The following DIP2C variants were observed in gnomAD, a reference collection of about 807,000 sequenced individuals.
DIP2C encodes disco-interacting protein 2 homolog C.
In DIP2C, 33 loss-of-function variants were observed where a neutral mutation model predicts 192.4. That is an observed-to-expected ratio of 0.17 (90% CI 0.13 to 0.23). The LOEUF is 0.23. Ranked by LOEUF, DIP2C falls within the 10% of genes least tolerant of loss-of-function variation. The probability of loss-of-function intolerance (pLI) is 1.00; values close to 1 mark genes in which losing one functional copy is unlikely to be tolerated. For missense variants in DIP2C, 1,537 were observed against 2,110.1 expected (o/e 0.73, Z 5.32); for synonymous variants, 979 against 864.1 (o/e 1.13, Z -2.33).
chr10:683,286 C>T (rs566897395), intron 1 of DIP2C, among the ~76,000 whole-genome samples: 8 of 152,292 alleles, frequency 5.3e-5, no homozygotes, highest in South Asian at 4.1e-4. Context: ...GCCCTCGTTC[C>T]GCAGCCACCG....
chr10:411,964 T>C (rs1965217236), intron 8 of DIP2C, among the ~76,000 whole-genome samples: 1 of 152,230 alleles, frequency 6.6e-6, no homozygotes, highest in Admixed American at 6.5e-5. Flanking sequence ...TTAAAATGGA[T>C]AATTAAAATA....
intron 1 of DIP2C, among the ~76,000 whole-genome samples, chr10:505,246 T>C (rs964792781): frequency 9.9e-5 from 15 of 152,178 alleles, no homozygotes; most frequent in African/African-American, 2.7e-4. Flanking sequence ...AGTCACTAAC[T>C]TCCCAGCAGT....
chr10:347,857 C>T (rs1385677304), intron 26 of DIP2C, among the ~76,000 whole-genome samples: 11 of 110,536 alleles, frequency 1.0e-4, no homozygotes, highest in Middle Eastern at 4.5e-3. Flanking sequence ...CGCACCCAGA[C>T]GCGTCGCGCA....
At chr10:460,059 C>T (rs990138191) in intron 3 of DIP2C, among the ~76,000 whole-genome samples, 1 of 149,754 alleles carries the variant, frequency 6.7e-6, no homozygotes, top group African/African-American at 2.5e-5. Context: ...GCTCTAGTAT[C>T]TTCCTCCCAC....
chr10:671,886 T>C (rs111392889), intron 1 of DIP2C, among the ~76,000 whole-genome samples: 525 of 30,082 alleles, frequency 0.017, 9 homozygotes, highest in Non-Finnish European at 0.017. Flanking sequence ...AAACAGGCCA[T>C]AGACACACGG....
chr10:581,338 G>A (rs536876660), intron 1 of DIP2C, among the ~76,000 whole-genome samples: 2 of 152,286 alleles, frequency 1.3e-5, no homozygotes, highest in South Asian at 4.1e-4. Flanking sequence ...GTCAAACAGT[G>A]GCCACTGTTG....
intron 17 of DIP2C, among the ~76,000 whole-genome samples, chr10:377,935 T>G (rs1961826530): frequency 6.6e-6 from 1 of 152,188 alleles, no homozygotes. Flanking sequence ...AAGCTAAAAA[T>G]TATGTTTTTC....
intron 1 of DIP2C, among the ~76,000 whole-genome samples, chr10:545,515 CAT>C (rs1848238320): frequency 6.6e-6 from 1 of 152,270 alleles, no homozygotes; most frequent in East Asian, 1.9e-4. Flanking sequence ...GCTGCACACA[CAT>C]AAGAGAAACC....
chr10:329,725 T>C, intron 29 of DIP2C, 124 bp from the exon 30 acceptor site: 1 of 1,252,860 alleles, frequency 8.0e-7, no homozygotes, highest in Admixed American at 2.9e-5. Context: ...CGTGCTGCCA[T>C]CTGTAGAAGG....
intron 28 of DIP2C, among the ~76,000 whole-genome samples, chr10:342,087 C>CA (rs1250002464): frequency 2.0e-5 from 3 of 152,258 alleles, no homozygotes; most frequent in East Asian, 1.9e-4. Context: ...CAGGACCTAG[C>CA]AACTCTAGCT....
In DIP2C at chr10:364,359, C is replaced by T; in HGVS notation, c.2477+15G>A. On this transcript the variant is annotated intron_variant, in intron 20 of 36. Coordinates refer to ENST00000280886, the MANE Select transcript of DIP2C (RefSeq NM_014974.3). ...GACCGGAAACCATATGCTTGATTTGCAGAACGCCACTGACCTTCCCCGGTA... is the reference window on the plus strand; with the variant it reads ...GACCGGAAACCATATGCTTGATTTGTAGAACGCCACTGACCTTCCCCGGTA... 6.3e-7 allele frequency: 1 copy of T among 1,599,464 alleles called. No individual in the cohort carries two copies. Among genetic ancestry groups the T allele is most frequent in the Non-Finnish European group, 8.6e-7 (1 of 1,168,464 alleles).
chr10:612,088 G>C (rs1017984907), intron 1 of DIP2C, among the ~76,000 whole-genome samples: 1 of 152,118 alleles, frequency 6.6e-6, no homozygotes, highest in Non-Finnish European at 1.5e-5. Context: ...CTGAGGTCAG[G>C]AGTTCGAGAC....
At chr10:298,401 C>T (rs952724759) in intron 32 of DIP2C, among the ~76,000 whole-genome samples, 2 of 152,260 alleles carry the variant, frequency 1.3e-5, no homozygotes, top group Non-Finnish European at 2.9e-5. Context: ...CTGCTCATCA[C>T]TGATGGTGAC....
chr10:378,906 C>G (rs114838462), intron 17 of DIP2C, among the ~76,000 whole-genome samples: 1 of 152,234 alleles, frequency 6.6e-6, no homozygotes, highest in African/African-American at 2.4e-5. Context: ...CATAAAGACA[C>G]GGACACAGAC....
intron 1 of DIP2C, among the ~76,000 whole-genome samples, chr10:657,334 T>C (rs56026234): frequency 0.075 from 363 of 4,828 alleles, no homozygotes; most frequent in Non-Finnish European, 0.087. Flanking sequence ...CCTGGACCTG[T>C]CCCTGGACCT....
intron 28 of DIP2C, 35 bp downstream of exon 28, chr10:344,774 C>G (rs1464961038): frequency 6.5e-7 from 1 of 1,546,964 alleles, no homozygotes; most frequent in East Asian, 2.3e-5. Flanking sequence ...TCCGCAGTTG[C>G]CTCCATGGCC....
intron 1 of DIP2C, among the ~76,000 whole-genome samples, chr10:544,816 T>C (rs959385473): frequency 2.0e-5 from 3 of 152,246 alleles, no homozygotes; most frequent in Non-Finnish European, 2.9e-5. Context: ...AAAGATATTC[T>C]TGATATCAGG....
Position 277,513 on chromosome 10 carries a change from C to A in DIP2C, c.4483G>T (p.Ala1495Ser), listed in dbSNP as rs1448120034. The A allele has an allele frequency of 3.7e-6, 6 of 1,614,184 alleles. No homozygotes were observed. Among genetic ancestry groups the A allele is most frequent in the Non-Finnish European group, 5.1e-6 (6 of 1,180,028 alleles). Residue 1495 changes from alanine to serine, a missense_variant, in exon 37 of 37, where the codon GCC becomes TCC. Physicochemically the swap from Ala to Ser is moderately conservative, Grantham distance 99. Around this residue, in one of 4 missense-constraint regions of DIP2C, gnomAD observed 341 missense variants for 551.7 expected, o/e 0.62. Transcript: ENST00000280886. ...VVELDGSEQE[A>S]LDLVPLVTNV... Reference sequence around the variant, plus strand: ...GTCACCAAGGGAACCAGGTCCAAGGCTTCTTGTTCCGACCCATCCAGCTCA... The same window carrying A: ...GTCACCAAGGGAACCAGGTCCAAGGATTCTTGTTCCGACCCATCCAGCTCA...
chr10:332,143 G>C (rs1564567900), intron 29 of DIP2C, among the ~76,000 whole-genome samples: 1 of 152,006 alleles, frequency 6.6e-6, no homozygotes, highest in Non-Finnish European at 1.5e-5. Context: ...GTGGAGATGG[G>C]GTCTCACTAT....
Sources: allele counts gnomAD v4.1 joint callset (sites outside exome capture counted in the v4.1 genomes callset), GRCh38; gene constraint gnomAD v4.1.1; regional missense constraint gnomAD v4.1.1; transcripts MANE v1.5; gene names NCBI Gene and HGNC (gene_info 2026-07-23, HGNC 2026-07-21).